The following STK24 variants were observed in gnomAD, a reference collection of about 807,000 sequenced individuals.
The protein encoded by STK24 is serine/threonine kinase 24.
Under a neutral mutation model 55.6 loss-of-function variants are expected in STK24, and 21 were observed. That is an observed-to-expected ratio of 0.38 (90% confidence interval 0.27 to 0.54). STK24 has a LOEUF of 0.54. Ranked by LOEUF, STK24 falls within the 20% of genes least tolerant of loss-of-function variation. STK24 has a pLI of 0.79. For missense variants in STK24, 383 were observed against 538.4 expected (o/e 0.71, Z 2.86); for synonymous variants, 200 against 215.2 (o/e 0.93, Z 0.62).
In STK24 at chr13:98,463,793, C is replaced by A. The variant is rs369035053; in HGVS notation, c.827G>T (p.Arg276Leu). 1 of 1,614,156 alleles carries A rather than the reference C, an allele frequency of 6.2e-7. No individual in the cohort carries two copies. The highest frequency in any genetic ancestry group is 8.5e-7 in the Non-Finnish European group (1 of 1,180,020). ...CAAGTAGGAAGTTTTCTTTGCATTGCGTAGTATAAACTTGTGCTTCAATAA... is the reference window on the plus strand; with the variant it reads ...CAAGTAGGAAGTTTTCTTTGCATTGAGTAGTATAAACTTGTGCTTCAATAA... ...KELLKHKFIL[R>L]NAKKTSYLTE... Residue 276 changes from arginine to leucine, a missense_variant, in exon 7 of 11, where the codon CGC (arginine) becomes CTC (leucine). Coordinates refer to ENST00000539966, the MANE Select transcript of STK24 (RefSeq NM_001032296.4).
chr13:98,576,582 C>G (rs941301981), intron 1 of STK24, among the ~76,000 whole-genome samples, 163 bp downstream of exon 1: 2 of 151,868 alleles, frequency 1.3e-5, no homozygotes, highest in African/African-American at 4.8e-5. Flanking sequence ...GCAGGGACGC[C>G]CAGGGACTCG....
Position 98,538,222 on chromosome 13 carries a change from C to CTTTTTT in STK24, c.43-18755_43-18750dup, listed in dbSNP as rs55720452. Among the ~76,000 whole-genome samples, 94 of 91,628 alleles carry CTTTTTT rather than the reference C, an allele frequency of 1.0e-3. 2 individuals carry two copies. Among genetic ancestry groups the CTTTTTT allele is most frequent in the Non-Finnish European group, 1.4e-3 (66 of 48,856 alleles). 60.1% of individuals were successfully genotyped at this position (91,628 alleles called of 152,430 possible). A position where few individuals can be genotyped will look rare whatever the true frequency, so the allele number is the denominator to read the frequency against. ...AGGTCAATCACTGCTTTGGTGCTTG[C>CTTTTTT]TTTTTTTTTTTTTTTTTTTTTGAGA... On this transcript the variant is annotated intron_variant, in intron 1 of 10. Transcript: ENST00000539966.
intron 1 of STK24, among the ~76,000 whole-genome samples, chr13:98,556,588 C>T (rs1897294622): frequency 6.6e-6 from 1 of 152,164 alleles, no homozygotes; most frequent in African/African-American, 2.4e-5. Flanking sequence ...GTAACAACAC[C>T]AGCCAGGGTC....
rs566848783 is a variant in STK24 at position 98,536,411 on chromosome 13, C to G, written c.43-16938G>C. On this transcript the variant is annotated intron_variant, in intron 1 of 10. Transcript: ENST00000539966. ...AAGGGATCTCTCCCTGTCACCCAGACAGGAGTGCAGTGGCACAATCATGGC... is the reference window on the plus strand; with the variant it reads ...AAGGGATCTCTCCCTGTCACCCAGAGAGGAGTGCAGTGGCACAATCATGGC... Among the ~76,000 whole-genome samples the G allele has an allele frequency of 1.3e-3, 191 of 151,852 alleles. 2 individuals carry two copies. The highest frequency in any genetic ancestry group is 4.5e-3 in the African/African-American group (185 of 41,388).
intron 1 of STK24, among the ~76,000 whole-genome samples, chr13:98,541,089 C>T (rs1481120138): frequency 2.6e-5 from 4 of 152,170 alleles, no homozygotes; most frequent in Non-Finnish European, 5.9e-5. Flanking sequence ...GGAAGGTCTT[C>T]AGGACTCAGA....
chr13:98,537,430 C>G (rs1896766136), intron 1 of STK24, among the ~76,000 whole-genome samples: 1 of 152,224 alleles, frequency 6.6e-6, no homozygotes, highest in African/African-American at 2.4e-5. Flanking sequence ...TCAACCCCAT[C>G]AGCTGAATAA....
intron 1 of STK24, among the ~76,000 whole-genome samples, chr13:98,568,851 A>G (rs1272886170): frequency 6.6e-6 from 1 of 152,226 alleles, no homozygotes; most frequent in East Asian, 1.9e-4. Context: ...CCTGGGTGAC[A>G]GAGCGAGACT....
chr13:98,544,945 T>C (rs1020826299), intron 1 of STK24, among the ~76,000 whole-genome samples: 15 of 152,026 alleles, frequency 9.9e-5, no homozygotes, highest in African/African-American at 3.6e-4. Context: ...ATGGAAGCGC[T>C]AAAAAGATGG....
Position 98,572,918 on chromosome 13 carries a change from C to G in STK24, c.42+3827G>C, listed in dbSNP as rs1447372163. ...TGTGAAATCAATCTAGTGTTGCAACCAGCTCCTTTTTTAAATATACCACAA... is the reference window on the plus strand; with the variant it reads ...TGTGAAATCAATCTAGTGTTGCAACGAGCTCCTTTTTTAAATATACCACAA... On this transcript the variant is annotated intron_variant, in intron 1 of 10. Coordinates refer to ENST00000539966, the MANE Select transcript of STK24 (RefSeq NM_001032296.4). 2.6e-5 allele frequency among the ~76,000 whole-genome samples: 4 copies of G among 152,182 alleles called. No homozygotes were observed. The East Asian group carries it at 7.7e-4, about 29-fold the overall frequency.
At chr13:98,456,458 C>T (rs1276695990) in intron 10 of STK24, 3 of 502,400 alleles carry the variant, frequency 6.0e-6, no homozygotes, top group Non-Finnish European at 1.2e-5. Context: ...ACAAATCACC[C>T]TCAGGTCACA....
chr13:98,576,767 T>A lies in STK24; in HGVS notation c.20A>T (p.Gln7Leu). The change falls in exon 1 of 11, where the codon CAG (glutamine) becomes CTG (leucine). Residue 7 changes from glutamine (Q) to leucine (L), a missense_variant. Coordinates refer to ENST00000539966, the MANE Select transcript of STK24 (RefSeq NM_001032296.4). MAHSPV[Q>L]SGLPGMQNLK... ...TACCTGCATGCCGGGCAGGCCCGAC[T>A]GCACCGGGGAGTGAGCCATGGCGCT... 2 of 1,446,614 alleles carry A rather than the reference T, an allele frequency of 1.4e-6. No homozygotes were observed. Among genetic ancestry groups the A allele is most frequent in the Non-Finnish European group, 1.8e-6 (2 of 1,102,386 alleles). 89.6% of individuals were successfully genotyped at this position (1,446,614 alleles called of 1,614,324 possible). A position where few individuals can be genotyped will look rare whatever the true frequency, so the allele number is the denominator to read the frequency against.
At chr13:98,455,817 CAGAG>C (rs1893429790) in intron 10 of STK24, 1 of 152,234 alleles carries the variant, frequency 6.6e-6, no homozygotes, top group Non-Finnish European at 1.5e-5. Flanking sequence ...ACTACAAAAG[CAGAG>C]AGCAAAATGC....
chr13:98,538,380 A>G (rs1452348075), intron 1 of STK24, among the ~76,000 whole-genome samples: 1 of 151,964 alleles, frequency 6.6e-6, no homozygotes, highest in African/African-American at 2.4e-5. Context: ...GCCCACCACC[A>G]CACACAGCTA....
Position 98,487,157 on chromosome 13 carries a change from G to A in STK24, c.274-4836C>T, listed in dbSNP as rs553068859. ...GCACCAGAGGCCTCATGGCAGGAGC[G>A]TCTGAGTGGCAGCCTGTTCTCCGGG... On this transcript the variant is annotated intron_variant, in intron 2 of 10. Coordinates refer to ENST00000539966, the MANE Select transcript of STK24 (RefSeq NM_001032296.4). Among the ~76,000 whole-genome samples the A allele has an allele frequency of 5.9e-5, 9 of 152,262 alleles. No individual in the cohort carries two copies. The South Asian group carries it at 1.2e-3, about 21-fold the overall frequency.
chr13:98,568,575 G>C (rs1566409768), intron 1 of STK24, among the ~76,000 whole-genome samples: 1 of 152,182 alleles, frequency 6.6e-6, no homozygotes, highest in Non-Finnish European at 1.5e-5. Flanking sequence ...ACTTAAAAAT[G>C]GGGAATGAAG....
chr13:98,507,570 T>A (rs1411215624), intron 2 of STK24, among the ~76,000 whole-genome samples: 2 of 152,226 alleles, frequency 1.3e-5, no homozygotes, highest in East Asian at 1.9e-4. Context: ...CTCTGATTTC[T>A]CTGACTTTAC....
chr13:98,497,875 A>C (rs1342114959), intron 2 of STK24, among the ~76,000 whole-genome samples: 1 of 152,130 alleles, frequency 6.6e-6, no homozygotes, highest in Admixed American at 6.5e-5. Flanking sequence ...TAACTCTCTA[A>C]AGGAATCTAC....
chr13:98,505,621 AAACT>A (rs1895654964), intron 2 of STK24, among the ~76,000 whole-genome samples: 1 of 152,242 alleles, frequency 6.6e-6, no homozygotes, highest in South Asian at 2.1e-4. Flanking sequence ...AAAATTCTGT[AAACT>A]AACTTGAGTA....
At chr13:98,570,142 G>A (rs1373976790) in intron 1 of STK24, among the ~76,000 whole-genome samples, 1 of 152,108 alleles carries the variant, frequency 6.6e-6, no homozygotes, top group African/African-American at 2.4e-5. Flanking sequence ...GCCTCCCAAC[G>A]TGCTGGGATT....
Sources: gnomAD v4.1 joint callset for allele counts (sites outside exome capture counted in the v4.1 genomes callset) on GRCh38, gnomAD v4.1.1 for gene constraint, MANE v1.5 for transcripts, NCBI Gene and HGNC (gene_info 2026-07-23, HGNC 2026-07-21) for gene names.